CNOT7: variants seen among roughly 807,000 people sequenced by gnomAD.
CNOT7 encodes the protein BTG1-binding factor 1.
CNOT7 carries 4 observed loss-of-function variants against 37.1 expected under a neutral mutation model. The ratio of observed to expected loss-of-function variants is 0.11; its 90% CI spans 0.05 to 0.25. The LOEUF is 0.25. Ranked by LOEUF, CNOT7 falls within the 10% of genes least tolerant of loss-of-function variation. The pLI, the probability that CNOT7 is intolerant of heterozygous loss-of-function variation, is 1.00. For missense variants in CNOT7, 170 were observed against 336.2 expected (o/e 0.51, Z 3.87); for synonymous variants, 128 against 115.6 (o/e 1.11, Z -0.69).
At position 17,237,688 on chromosome 8, in the gene CNOT7, G is replaced by A. The variant is rs1440164251; in HGVS notation, c.312-315C>T. ...TTGGAAAAGGGTCTCCTATTCACCA[G>A]GGGCTACCGTCGCAAAGTGACAGAC... On this transcript the variant is annotated intron_variant, in intron 3 of 6. Coordinates refer to ENST00000361272, the MANE Select transcript of CNOT7 (RefSeq NM_013354.7). The A allele has an allele frequency of 9.6e-5, 21 of 218,070 alleles. No individual in the cohort carries two copies. The South Asian group carries it at 1.5e-3, about 16-fold the overall frequency. 13.5% of individuals were successfully genotyped at this position (218,070 alleles called of 1,614,324 possible).
rs752150564 is a variant in CNOT7 at position 17,246,813 on chromosome 8, G to C, written c.-234C>G. 1 of 210,200 alleles carries C rather than the reference G, an allele frequency of 4.8e-6. No homozygotes were observed. Among genetic ancestry groups the C allele is most frequent in the Non-Finnish European group, 9.8e-6 (1 of 102,282 alleles). The allele number at this position is 210,200 out of a possible 1,614,324, so 13.0% of individuals were successfully genotyped here. Reference sequence around the variant, plus strand: ...CCTCTCGCCCAGCGAAGGGAAAGGCGAGCAGGAGCTGCGCCGCACCGTGCT... The same window carrying C: ...CCTCTCGCCCAGCGAAGGGAAAGGCCAGCAGGAGCTGCGCCGCACCGTGCT... On this transcript the variant is annotated 5_prime_UTR_variant, in exon 1 of 7. Transcript: ENST00000361272.
At chr8:17,237,423 C>T in intron 3 of CNOT7, 50 bp from the exon 4 acceptor site, 1 of 1,566,822 alleles carries the variant, frequency 6.4e-7, no homozygotes, top group Non-Finnish European at 8.8e-7. Flanking sequence ...TTACTTCAAA[C>T]AAGCTGTTCT....
rs1220269749 is a variant in CNOT7 at position 17,229,617 on chromosome 8, A to C, written c.*1103T>G. On this transcript the variant is annotated 3_prime_UTR_variant, in exon 7 of 7. Transcript: ENST00000361272. ...AAAATAAGCATTACACTCCTCAGGT[A>C]ATTTTATCAGCTATATATATATATA... 2.0e-5 allele frequency: 3 copies of C among 151,782 alleles called. No homozygotes were observed. The highest frequency in any genetic ancestry group is 7.3e-5 in the African/African-American group (3 of 41,274). The allele number at this position is 151,782 out of a possible 1,614,324, so 9.4% of individuals were successfully genotyped here. A position where few individuals can be genotyped will look rare whatever the true frequency, so the allele number is the denominator to read the frequency against.
Position 17,228,076 on chromosome 8 carries a change from G to C in CNOT7, c.*2644C>G, listed in dbSNP as rs533798060. Reference sequence around the variant, plus strand: ...GGCTGCATTCCAATAAAAACTTATAGACACTAAAATTTGAATTTCATGTAA... The same window carrying C: ...GGCTGCATTCCAATAAAAACTTATACACACTAAAATTTGAATTTCATGTAA... On this transcript the variant is annotated 3_prime_UTR_variant, in exon 7 of 7. Coordinates refer to ENST00000361272, the MANE Select transcript of CNOT7 (RefSeq NM_013354.7). 6.6e-6 allele frequency: 1 copy of C among 151,956 alleles called. No homozygotes were observed. Among genetic ancestry groups the C allele is most frequent in the African/African-American group, 2.4e-5 (1 of 41,530 alleles). 9.4% of individuals were successfully genotyped at this position (151,956 alleles called of 1,614,324 possible).
Position 17,229,948 on chromosome 8 carries a change from C to CAGAT in CNOT7, c.*768_*771dup, listed in dbSNP as rs1314913752. On this transcript the variant is annotated 3_prime_UTR_variant, in exon 7 of 7. Transcript: ENST00000361272. ...AACATCTTGAGTACCAGTTTCCTGG[C>CAGAT]AGATAGTAAACATCCAATCACAAGG... The CAGAT allele has an allele frequency of 1.3e-5, 2 of 152,132 alleles. No individual in the cohort carries two copies. The highest frequency in any genetic ancestry group is 2.9e-5 in the Non-Finnish European group (2 of 67,812). 9.4% of individuals were successfully genotyped at this position (152,132 alleles called of 1,614,324 possible).
chr8:17,243,411 A>T, intron 2 of CNOT7: 1 of 645,234 alleles, frequency 1.5e-6, no homozygotes, highest in South Asian at 1.6e-5. Flanking sequence ...ACTATACGAG[A>T]TACATGTGAT....
At chr8:17,231,983 A>G in intron 6 of CNOT7, 1 of 992,802 alleles carries the variant, frequency 1.0e-6, no homozygotes, top group Non-Finnish European at 1.2e-6. Context: ...TGAGCAAATA[A>G]TATATTTATC....
At position 17,229,005 on chromosome 8, in the gene CNOT7, G is replaced by A. The variant is rs1438677134; in HGVS notation, c.*1715C>T. 6.6e-6 allele frequency: 1 copy of A among 151,890 alleles called. No individual in the cohort carries two copies. The allele number at this position is 151,890 out of a possible 1,614,324, so 9.4% of individuals were successfully genotyped here. On this transcript the variant is annotated 3_prime_UTR_variant, in exon 7 of 7. Transcript: ENST00000361272. Reference sequence around the variant, plus strand: ...GGAATAAATGCATTCCTGGAAAGGAGAAACAGAAGTCAGTCCTTAATTAGC... The same window carrying A: ...GGAATAAATGCATTCCTGGAAAGGAAAAACAGAAGTCAGTCCTTAATTAGC...
rs915843327 is a variant in CNOT7, at chr8:17,227,755, A to G, written c.*2965T>C. The G allele has an allele frequency of 2.0e-5, 3 of 151,934 alleles. No individual in the cohort carries two copies. The highest frequency in any genetic ancestry group is 4.4e-5 in the Non-Finnish European group (3 of 67,830). 9.4% of individuals were successfully genotyped at this position (151,934 alleles called of 1,614,324 possible). The stretch of plus-strand genomic sequence containing the variant: ...GTTATGGTGACACTGCATTATAAAC[A>G]CAATGTACCAGCATATAATAAAATA... On this transcript the variant is annotated 3_prime_UTR_variant, in exon 7 of 7. Coordinates refer to ENST00000361272, the MANE Select transcript of CNOT7 (RefSeq NM_013354.7).
intron 4 of CNOT7, 144 bp from the exon 5 acceptor site, chr8:17,235,004 AAAAC>A: frequency 9.3e-6 from 6 of 644,032 alleles, no homozygotes; most frequent in East Asian, 2.8e-5. Context: ...AAGAACAGAG[AAAAC>A]AAACATATTG....
chr8:17,244,819 C>T, intron 2 of CNOT7: 1 of 461,432 alleles, frequency 2.2e-6, no homozygotes, highest in South Asian at 3.0e-5. Flanking sequence ...CCCATGAATT[C>T]CAGTGCGTTT....
intron 4 of CNOT7, 87 bp from the exon 5 acceptor site, chr8:17,234,947 C>G (rs1188576871): frequency 5.1e-6 from 6 of 1,178,154 alleles, no homozygotes; most frequent in Non-Finnish European, 7.1e-6. Flanking sequence ...CAAATTTAAG[C>G]AAGTCACACT....
intron 3 of CNOT7, among the ~76,000 whole-genome samples, chr8:17,239,375 C>G (rs1809824436): frequency 6.6e-6 from 1 of 151,950 alleles, no homozygotes; most frequent in African/African-American, 2.4e-5. Context: ...TTATGGCACT[C>G]TCTATCTCCT....
chr8:17,237,886 G>C (rs190646825), intron 3 of CNOT7, among the ~76,000 whole-genome samples: 1 of 152,360 alleles, frequency 6.6e-6, no homozygotes, highest in East Asian at 1.9e-4. Flanking sequence ...TCTTAAAGAA[G>C]GAGATGCCTC....
chr8:17,233,090 T>G (rs923693317), intron 5 of CNOT7, among the ~76,000 whole-genome samples: 1 of 151,854 alleles, frequency 6.6e-6, no homozygotes, highest in African/African-American at 2.4e-5. Context: ...AATCCACCTA[T>G]GTTAATACTC....
intron 1 of CNOT7, chr8:17,245,726 G>C (rs1387338121): frequency 2.0e-5 from 3 of 152,140 alleles, no homozygotes; most frequent in Non-Finnish European, 4.4e-5. Flanking sequence ...CTAGACTAGA[G>C]GGGTCAAAAA....
rs937150421 is a variant in CNOT7 at position 17,226,226 on chromosome 8, G to C, written c.*4494C>G. ...TTTAGTAATAGAGTTCTACTAATGG[G>C]AATAATGGGATTTTTTGGCAGGGGA... is the stretch of plus-strand genomic sequence containing the variant. On this transcript the variant is annotated 3_prime_UTR_variant, in exon 7 of 7. Transcript: ENST00000361272. The C allele has an allele frequency of 4.0e-5, 6 of 150,994 alleles. No individual in the cohort carries two copies. Among genetic ancestry groups the C allele is most frequent in the Non-Finnish European group, 8.9e-5 (6 of 67,444 alleles). 9.4% of individuals were successfully genotyped at this position (150,994 alleles called of 1,614,324 possible).
intron 3 of CNOT7, among the ~76,000 whole-genome samples, chr8:17,240,919 T>C (rs976947528): frequency 6.6e-6 from 1 of 152,204 alleles, no homozygotes; most frequent in African/African-American, 2.4e-5. Context: ...GGGCCACACA[T>C]TAAATAAACT....
In CNOT7 at chr8:17,227,606, ATTAC is replaced by A. The variant is rs1465761001; in HGVS notation, c.*3110_*3113del. On this transcript the variant is annotated 3_prime_UTR_variant, in exon 7 of 7. Coordinates refer to ENST00000361272, the MANE Select transcript of CNOT7 (RefSeq NM_013354.7). Reference sequence around the variant, plus strand: ...ACATTTTGGTTGCAGCCTCATTTTTATTACTTTTGTGAAATTTTGCTGTGATGTT... The same window carrying A: ...ACATTTTGGTTGCAGCCTCATTTTTATTTTGTGAAATTTTGCTGTGATGTT... 1 of 151,838 alleles carries A rather than the reference ATTAC, an allele frequency of 6.6e-6. No individual in the cohort carries two copies. The highest frequency in any genetic ancestry group is 1.5e-5 in the Non-Finnish European group (1 of 67,800). The allele number at this position is 151,838 out of a possible 1,614,324, so 9.4% of individuals were successfully genotyped here. A position where few individuals can be genotyped will look rare whatever the true frequency, so the allele number is the denominator to read the frequency against.
Sources: allele counts gnomAD v4.1 joint callset (sites outside exome capture counted in the v4.1 genomes callset), GRCh38; gene constraint gnomAD v4.1.1; transcripts MANE v1.5; gene names NCBI Gene and HGNC (gene_info 2026-07-23, HGNC 2026-07-21).